The following CASK variants were observed in gnomAD, a reference collection of about 807,000 sequenced individuals.
CASK encodes the protein calcium/calmodulin dependent serine protein kinase.
A neutral mutation model predicts 82.9 loss-of-function variants in CASK; 4 were observed. The observed-to-expected ratio is 0.05, with a 90% confidence interval of 0.02 to 0.11. The LOEUF is 0.11. CASK is among the 10% of genes least tolerant of loss of function. The pLI is 1.00. For missense variants in CASK, 358 were observed against 720.9 expected (o/e 0.50, Z 5.76); for synonymous variants, 259 against 253.5 (o/e 1.02, Z -0.20).
chrX:41,900,783 T>C (rs1405767746), intron 1 of CASK, among the ~76,000 whole-genome samples: 1 of 96,628 alleles, frequency 1.0e-5, no homozygotes, highest in Admixed American at 1.1e-4. Flanking sequence ...TCTTGCTCTG[T>C]CAGCCAGGCT....
At chrX:41,539,814 A>G (rs1045744505) in intron 22 of CASK, among the ~76,000 whole-genome samples, 1 of 112,185 alleles carries the variant, frequency 8.9e-6, no homozygotes, top group African/African-American at 3.2e-5. Context: ...GGTTGATGAC[A>G]CAGAAGAAAC....
rs34064822 is a variant in CASK at position 41,602,719 on chromosome X, CTT to C, written c.1155+7183_1155+7184del. Among the ~76,000 whole-genome samples the C allele has an allele frequency of 4.5e-4, 34 of 75,182 alleles. 1 individual carries two copies. The highest frequency in any genetic ancestry group is 8.1e-3 in the Middle Eastern group (1 of 124). The allele number at this position is 75,182 out of a possible 115,157, so 65.3% of individuals were successfully genotyped here. ...TAACAAAGAACCATATGCTTAGCGG[CTT>C]TTTTTTTTTTTTTTTGCTAAGTTTA... is the stretch of plus-strand genomic sequence containing the variant. On this transcript the variant is annotated intron_variant, in intron 12 of 26. Coordinates refer to ENST00000378163, the MANE Select transcript of CASK (RefSeq NM_001367721.1).
intron 5 of CASK, among the ~76,000 whole-genome samples, 170 bp downstream of exon 5, chrX:41,739,214 A>G (rs1179818716): frequency 1.8e-5 from 2 of 112,190 alleles, no homozygotes; most frequent in African/African-American, 6.5e-5. Context: ...TAGTGTTCCT[A>G]GTAAGAATTA....
chrX:41,857,844 G>A (rs765506267), intron 1 of CASK, among the ~76,000 whole-genome samples: 5 of 112,011 alleles, frequency 4.5e-5, no homozygotes, highest in Non-Finnish European at 9.4e-5. Context: ...CAGGTTTCCA[G>A]AAGTGGGGGT....
chrX:41,627,174 T>C (rs957605559), intron 9 of CASK, among the ~76,000 whole-genome samples: 4 of 112,439 alleles, frequency 3.6e-5, no homozygotes, highest in African/African-American at 1.3e-4. Flanking sequence ...GTCATTTTTC[T>C]TTTTAAAATC....
intron 5 of CASK, among the ~76,000 whole-genome samples, chrX:41,722,710 TA>T (rs1347719910): frequency 8.9e-6 from 1 of 112,293 alleles, no homozygotes; most frequent in Non-Finnish European, 1.9e-5. Context: ...GGATGATTCG[TA>T]AGTTTTTGGC....
chrX:41,803,720 GGGGAA>G (rs1487350898), intron 2 of CASK, among the ~76,000 whole-genome samples: 1 of 112,121 alleles, frequency 8.9e-6, no homozygotes, highest in African/African-American at 3.2e-5. Flanking sequence ...TTATAAAAAT[GGGGAA>G]GGGAAAGTAA....
chrX:41,805,421 T>C (rs1424409468), intron 2 of CASK, among the ~76,000 whole-genome samples: 12 of 111,956 alleles, frequency 1.1e-4, no homozygotes, highest in Admixed American at 1.9e-4. Context: ...TTCTTGAACA[T>C]GTTCCTTCAC....
chrX:41,796,555 C>T (rs1447306155), intron 2 of CASK, among the ~76,000 whole-genome samples: 3 of 111,793 alleles, frequency 2.7e-5, no homozygotes, highest in African/African-American at 6.5e-5. Context: ...TAAAAAACCT[C>T]AAGATGACCA....
chrX:41,760,212 T>C (rs1042631063), intron 3 of CASK, among the ~76,000 whole-genome samples: 1 of 112,402 alleles, frequency 8.9e-6, no homozygotes, highest in Non-Finnish European at 1.9e-5. Flanking sequence ...TAGTCCTCAG[T>C]GTACTCACTA....
chrX:41,530,899 T>G, intron 25 of CASK, 108 bp downstream of exon 25: 5 of 725,186 alleles, frequency 6.9e-6, no homozygotes, highest in South Asian at 2.2e-5. Context: ...CTGTGGTTTA[T>G]GAAATTATTA....
intron 12 of CASK, among the ~76,000 whole-genome samples, chrX:41,599,428 C>T (rs1287529737): frequency 1.8e-5 from 2 of 111,794 alleles, no homozygotes; most frequent in Non-Finnish European, 1.9e-5. Context: ...AAAATCAGTA[C>T]ATCTGGGCCA....
chrX:41,810,537 G>C (rs1452497113), intron 2 of CASK, among the ~76,000 whole-genome samples: 2 of 111,397 alleles, frequency 1.8e-5, no homozygotes, highest in African/African-American at 3.3e-5. Context: ...CAAATGCTGA[G>C]AGATTTTGTC....
intron 1 of CASK, among the ~76,000 whole-genome samples, chrX:41,886,402 A>T (rs752700976): frequency 8.9e-6 from 1 of 111,934 alleles, no homozygotes; most frequent in Non-Finnish European, 1.9e-5. Context: ...TTGGAAACTT[A>T]ACTTTCTGAA....
At chrX:41,524,922 T>G (rs1315488950) in intron 25 of CASK, among the ~76,000 whole-genome samples, 2 of 111,601 alleles carry the variant, frequency 1.8e-5, no homozygotes, top group African/African-American at 6.5e-5. Flanking sequence ...TTAATTCATA[T>G]GCGCTGGGGT....
intron 1 of CASK, among the ~76,000 whole-genome samples, chrX:41,872,620 T>C (rs1408126445): frequency 1.8e-5 from 2 of 112,189 alleles, no homozygotes; most frequent in Non-Finnish European, 3.8e-5. Context: ...ATACCCTGAA[T>C]CCAGTTCCCC....
At chrX:41,769,274 T>C (rs1221012892) in intron 3 of CASK, among the ~76,000 whole-genome samples, 1 of 106,272 alleles carries the variant, frequency 9.4e-6, no homozygotes, top group South Asian at 4.4e-4. Context: ...TGGCTCATTG[T>C]AGCCTCCATC....
intron 1 of CASK, among the ~76,000 whole-genome samples, chrX:41,900,047 GT>G (rs749129389): frequency 0.011 from 973 of 92,390 alleles, 14 homozygotes; most frequent in African/African-American, 0.034. Context: ...TTTTTGTTTT[GT>G]TTTTTTTTTT....
At chrX:41,795,801 C>T (rs892229218) in intron 2 of CASK, among the ~76,000 whole-genome samples, 1 of 111,555 alleles carries the variant, frequency 9.0e-6, no homozygotes, top group Non-Finnish European at 1.9e-5. Flanking sequence ...TGAAAACAAA[C>T]AGATGGAAGG....
Sources: gnomAD v4.1 joint callset for allele counts (sites outside exome capture counted in the v4.1 genomes callset) on GRCh38, gnomAD v4.1.1 for gene constraint, MANE v1.5 for transcripts, NCBI Gene and HGNC (gene_info 2026-07-23, HGNC 2026-07-21) for gene names.